Variants in KDM1B observed in about 807,000 individuals in gnomAD.
KDM1B encodes the protein lysine demethylase 1B.
In KDM1B, 63 loss-of-function variants were observed where a neutral mutation model predicts 107.4. The observed-to-expected ratio is 0.59, with a 90% confidence interval of 0.48 to 0.72. The LOEUF (loss-of-function observed/expected upper bound fraction) is 0.72. KDM1B is among the 30% of genes least tolerant of loss of function. The probability of loss-of-function intolerance (pLI) is 0.00; values close to 1 mark genes in which losing one functional copy is unlikely to be tolerated. For missense variants in KDM1B, 749 were observed against 1,020.8 expected (o/e 0.73, Z 3.63); for synonymous variants, 363 against 363.9 (o/e 1.00, Z 0.03).
At chr6:18,185,744 T>G (rs1786814014) in intron 7 of KDM1B, 28 bp from the exon 8 acceptor site, 1 of 1,605,888 alleles carries the variant, frequency 6.2e-7, no homozygotes. Context: ...TAAGCAACCC[T>G]AATTTAACAC....
At chr6:18,176,614 A>G (rs1786027047) in intron 7 of KDM1B, among the ~76,000 whole-genome samples, 1 of 152,088 alleles carries the variant, frequency 6.6e-6, no homozygotes, top group African/African-American at 2.4e-5. Context: ...CTTTTATTAC[A>G]TTGAGGTATG....
In KDM1B at chr6:18,223,223, T is replaced by A; in HGVS notation, c.*1231T>A. The A allele has an allele frequency of 6.6e-6, 1 of 152,554 alleles. No individual in the cohort carries two copies. Among genetic ancestry groups the A allele is most frequent in the East Asian group, 1.9e-4 (1 of 5,198 alleles). The allele number at this position is 152,554 out of a possible 1,614,324, so 9.5% of individuals were successfully genotyped here. ...GACTAAATATGACTTTAAAGAGACT[T>A]CAAAATATTGAGTATTTTAAAAATT... On this transcript the variant is annotated 3_prime_UTR_variant, in exon 22 of 22. Transcript: ENST00000650836.
intron 21 of KDM1B, among the ~76,000 whole-genome samples, chr6:18,219,027 C>T (rs945616821): frequency 1.3e-5 from 2 of 152,116 alleles, no homozygotes; most frequent in African/African-American, 4.8e-5. Context: ...CTCAGCCTCC[C>T]GAATAGCTGG....
rs942488451 is a variant in KDM1B, at chr6:18,189,981, TA to T, written c.785-1207del. 8.0e-5 allele frequency among the ~76,000 whole-genome samples: 12 copies of T among 150,200 alleles called. No homozygotes were observed. In the South Asian group the frequency reaches 2.1e-3, roughly 26 times the overall value. On this transcript the variant is annotated intron_variant, in intron 9 of 21. Coordinates refer to ENST00000650836, the MANE Select transcript of KDM1B (RefSeq NM_001364614.2). ...CAAAATGGTGAAACTCCGTCTCTAC[TA>T]AAAAAAAATACACAAAAAATTAGCC...
chr6:18,185,488 G>C (rs1485320163), intron 7 of KDM1B, among the ~76,000 whole-genome samples: 1 of 152,016 alleles, frequency 6.6e-6, no homozygotes, highest in South Asian at 2.1e-4. Flanking sequence ...TTTTAGTAGA[G>C]ACAGTTTTTC....
intron 9 of KDM1B, among the ~76,000 whole-genome samples, chr6:18,188,972 T>G (rs1207043): frequency 1.3e-5 from 2 of 151,760 alleles, no homozygotes; most frequent in Admixed American, 1.3e-4. Context: ...TTAGTAGAGA[T>G]GGGGTTTCAT....
At position 18,188,084 on chromosome 6, in the gene KDM1B, G is replaced by A. The variant is rs1447532003; in HGVS notation, c.784+82G>A. On this transcript the variant is annotated intron_variant, in intron 9 of 21. Transcript: ENST00000650836. ...ACGTGTGAGTGAGCAAAACGCAAAGGATTTTTTTTAAATGTGCAGGCTGGG... is the reference window on the plus strand; with the variant it reads ...ACGTGTGAGTGAGCAAAACGCAAAGAATTTTTTTTAAATGTGCAGGCTGGG... 31 of 1,289,264 alleles carry A rather than the reference G, an allele frequency of 2.4e-5. No individual in the cohort carries two copies. The East Asian group carries it at 7.6e-4, about 32-fold the overall frequency. The allele number at this position is 1,289,264 out of a possible 1,614,324, so 79.9% of individuals were successfully genotyped here. A position where few individuals can be genotyped will look rare whatever the true frequency, so the allele number is the denominator to read the frequency against.
chr6:18,165,355 C>A (rs894194985), intron 5 of KDM1B, among the ~76,000 whole-genome samples: 1 of 151,830 alleles, frequency 6.6e-6, no homozygotes, highest in East Asian at 2.0e-4. Context: ...TGGTCTCGAT[C>A]TCCTGACCTG....
rs1788304455 is a variant in KDM1B, at chr6:18,205,441, G to T, written c.1532-96G>T. 5.0e-6 allele frequency: 6 copies of T among 1,189,250 alleles called. No individual in the cohort carries two copies. The East Asian group carries it at 1.4e-4, about 28-fold the overall frequency. The allele number at this position is 1,189,250 out of a possible 1,614,324, so 73.7% of individuals were successfully genotyped here. A position where few individuals can be genotyped will look rare whatever the true frequency, so the allele number is the denominator to read the frequency against. ...TTGGGAAAAGACTTTGGAAGTTTTG[G>T]GTGTTGCTGGGTGACAGAGGTTGAA... On this transcript the variant is annotated intron_variant, in intron 14 of 21. Transcript: ENST00000650836. This position sits in a 1 kb window ranked among gnomAD's most constrained non-coding sequence, Gnocchi z 5.7.
chr6:18,163,514 T>G (rs1370023092), intron 5 of KDM1B, among the ~76,000 whole-genome samples: 1 of 152,200 alleles, frequency 6.6e-6, no homozygotes, highest in East Asian at 1.9e-4. Flanking sequence ...AATTAGTAGC[T>G]TCAATTATTT....
rs1029666905 is a variant in KDM1B, at chr6:18,205,010, G to A, written c.1532-527G>A. 6.6e-6 allele frequency among the ~76,000 whole-genome samples: 1 copy of A among 152,236 alleles called. No homozygotes were observed. Among genetic ancestry groups the A allele is most frequent in the Non-Finnish European group, 1.5e-5 (1 of 68,046 alleles). On this transcript the variant is annotated intron_variant, in intron 14 of 21. Transcript: ENST00000650836. The surrounding 1 kb of genome is among the most constrained non-coding windows in gnomAD (Gnocchi z 5.7). ...TAGGCAACCAGTAATTGTAGATATG[G>A]AGGCGGAGTGCTGACAAGATACAAG...
At chr6:18,202,018 G>A (rs214611) in intron 14 of KDM1B, among the ~76,000 whole-genome samples, 22,065 of 152,080 alleles carry the variant, frequency 0.15, 2,403 homozygotes, top group African/African-American at 0.3. Context: ...TCTAGGTAAG[G>A]GTTTGTGTGT....
chr6:18,160,804 C>A, intron 3 of KDM1B, among the ~76,000 whole-genome samples: 1 of 133,372 alleles, frequency 7.5e-6, no homozygotes. Context: ...TGGGGAATGA[C>A]TTTTTTTTTT....
intron 7 of KDM1B, among the ~76,000 whole-genome samples, chr6:18,182,337 A>G (rs1242509253): frequency 3.9e-5 from 6 of 152,120 alleles, no homozygotes; most frequent in South Asian, 2.1e-4. Flanking sequence ...TAAATTATAT[A>G]TATTGACCCT....
At chr6:18,163,900 T>A (rs549477417) in intron 5 of KDM1B, among the ~76,000 whole-genome samples, 1 of 152,268 alleles carries the variant, frequency 6.6e-6, no homozygotes, top group African/African-American at 2.4e-5. Flanking sequence ...TTTGCTATTG[T>A]CAGGTGGGTC....
intron 20 of KDM1B, among the ~76,000 whole-genome samples, chr6:18,217,259 T>A (rs1252047898): frequency 6.6e-6 from 1 of 152,080 alleles, no homozygotes; most frequent in Non-Finnish European, 1.5e-5. Context: ...TTGGGTAGAT[T>A]TAAAGGCAGC....
intron 16 of KDM1B, 80 bp from the exon 17 acceptor site, chr6:18,208,052 C>A: frequency 1.0e-6 from 1 of 1,004,952 alleles, no homozygotes; most frequent in Non-Finnish European, 1.6e-6. Flanking sequence ...GATGTAAATT[C>A]ATGTAATATG....
At chr6:18,160,950 C>G (rs931802290) in intron 3 of KDM1B, among the ~76,000 whole-genome samples, 1 of 150,470 alleles carries the variant, frequency 6.6e-6, no homozygotes, top group Non-Finnish European at 1.5e-5. Flanking sequence ...GAGGAGGTCT[C>G]GGTATGTTGC....
chr6:18,195,749 GAGAA>G (rs1006795768), intron 10 of KDM1B, among the ~76,000 whole-genome samples: 6 of 109,590 alleles, frequency 5.5e-5, no homozygotes, highest in Non-Finnish European at 1.1e-4. Flanking sequence ...AAAAAAAAAA[GAGAA>G]AGAAAATATG....
Sources: gnomAD v4.1 joint callset for allele counts (sites outside exome capture counted in the v4.1 genomes callset) on GRCh38, gnomAD v4.1.1 for gene constraint, Gnocchi (gnomAD v3.1) non-coding constraint, MANE v1.5 for transcripts, NCBI Gene and HGNC (gene_info 2026-07-23, HGNC 2026-07-21) for gene names.